Variants in C4orf51 observed in about 807,000 individuals in gnomAD.
C4orf51 encodes chromosome 4 open reading frame 51, also known as uncharacterized protein C4orf51.
C4orf51 carries 25 observed loss-of-function variants against 25.2 expected under a neutral mutation model. The ratio of observed to expected loss-of-function variants is 0.99; its 90% CI spans 0.72 to 1.39. C4orf51 has a LOEUF of 1.39. Among genes scored for constraint, C4orf51 ranks in the 40% most tolerant of loss-of-function variants. The probability of loss-of-function intolerance (pLI) is 0.00; values close to 1 mark genes in which losing one functional copy is unlikely to be tolerated. For missense variants in C4orf51, 252 were observed against 239.6 expected (o/e 1.05, Z -0.34); for synonymous variants, 100 against 84.5 (o/e 1.18, Z -1.01).
chr4:145,689,232 AC>A (rs1729372848), intron 1 of C4orf51, among the ~76,000 whole-genome samples: 1 of 152,222 alleles, frequency 6.6e-6, no homozygotes, highest in African/African-American at 2.4e-5. Context: ...CTTAAACAAA[AC>A]ACAGAAAACA....
intron 2 of C4orf51, among the ~76,000 whole-genome samples, chr4:145,705,341 A>G (rs1456915220): frequency 2.0e-5 from 3 of 152,178 alleles, no homozygotes; most frequent in Non-Finnish European, 2.9e-5. Context: ...TTAAAGAGAC[A>G]GTTAGCAATC....
At chr4:145,747,062 G>T (rs1733408783) in intron 1 of C4orf51, among the ~76,000 whole-genome samples, 1 of 152,006 alleles carries the variant, frequency 6.6e-6, no homozygotes, top group South Asian at 2.1e-4. Flanking sequence ...TTTGTATTCT[G>T]CAGCTTTACT....
At chr4:145,699,217 AG>A (rs1237151718) in intron 2 of C4orf51, among the ~76,000 whole-genome samples, 1 of 149,686 alleles carries the variant, frequency 6.7e-6, no homozygotes. Context: ...GGTGATTAAA[AG>A]CTTTATTGCT....
chr4:145,729,297 ATTTTTTTTTTTTT>A (rs547075220), intron 4 of C4orf51, 68 bp downstream of exon 4: 6 of 292,898 alleles, frequency 2.0e-5, no homozygotes, highest in African/African-American at 4.9e-5. Context: ...TGGTCATGTG[ATTTTTTTTTTTTT>A]TTTTTTTTTT....
chr4:145,712,511 G>A (rs1252523958), intron 2 of C4orf51, among the ~76,000 whole-genome samples: 1 of 152,172 alleles, frequency 6.6e-6, no homozygotes, highest in Non-Finnish European at 1.5e-5. Flanking sequence ...TTAAGCCAAA[G>A]CCTAATCCAG....
intron 1 of C4orf51, among the ~76,000 whole-genome samples, chr4:145,749,505 G>A (rs748335192): frequency 8.6e-5 from 13 of 150,956 alleles, no homozygotes; most frequent in South Asian, 2.1e-4. Context: ...TCCTGTCTTC[G>A]TTTTAGTGAA....
chr4:145,742,111 C>T (rs1294699187), intron 1 of C4orf51, among the ~76,000 whole-genome samples: 1 of 152,166 alleles, frequency 6.6e-6, no homozygotes, highest in Non-Finnish European at 1.5e-5. Flanking sequence ...ATTTAGCTTC[C>T]ACTTCTAACC....
At chr4:145,781,163 T>C in the C4orf51 span, among the ~76,000 whole-genome samples, 6 of 108,474 alleles carry the variant, frequency 5.5e-5, no homozygotes, top group African/African-American at 7.4e-5. Flanking sequence ...GCCACTGCAC[T>C]CCAGCCCGGG....
downstream of C4orf51, among the ~76,000 whole-genome samples, chr4:145,757,291 T>C (rs1734019047): frequency 6.6e-6 from 1 of 152,220 alleles, no homozygotes; most frequent in Non-Finnish European, 1.5e-5. Flanking sequence ...CCTTTGGCTA[T>C]GGGGTCAATG....
intron 3 of C4orf51, 40 bp downstream of exon 3, chr4:145,727,009 A>C (rs1221992027): frequency 6.6e-7 from 1 of 1,512,332 alleles, no homozygotes; most frequent in East Asian, 2.3e-5. Context: ...ACCTGTAGAG[A>C]GCTTAAATTA....
intron 1 of C4orf51, among the ~76,000 whole-genome samples, chr4:145,694,638 G>A (rs1398375920): frequency 1.1e-5 from 1 of 95,008 alleles, no homozygotes; most frequent in Non-Finnish European, 2.0e-5. Context: ...CCCCGTCCGG[G>A]AGGGAGGTGG....
the C4orf51 span, among the ~76,000 whole-genome samples, chr4:145,777,613 T>C: frequency 6.6e-6 from 1 of 152,212 alleles, no homozygotes; most frequent in Non-Finnish European, 1.5e-5. Flanking sequence ...ATCTTCCACA[T>C]TGATGATTAG....
chr4:145,766,942 C>T (rs1735394030), intron 1 of C4orf51, among the ~76,000 whole-genome samples: 1 of 152,100 alleles, frequency 6.6e-6, no homozygotes, highest in Admixed American at 6.5e-5. Flanking sequence ...ACGAGGTTTC[C>T]AGGTAGCTAT....
the C4orf51 span, among the ~76,000 whole-genome samples, chr4:145,780,108 T>A: frequency 2.0e-5 from 3 of 152,144 alleles, no homozygotes; most frequent in Non-Finnish European, 2.9e-5. Flanking sequence ...CGAGAATCGC[T>A]TGAAGCTGGG....
chr4:145,727,549 A>G (rs139120375), intron 3 of C4orf51, among the ~76,000 whole-genome samples: 1 of 152,104 alleles, frequency 6.6e-6, no homozygotes, highest in Non-Finnish European at 1.5e-5. Flanking sequence ...ATGGATACGT[A>G]ATATTTTATT....
At chr4:145,746,222 G>A (rs1733364680) in intron 1 of C4orf51, among the ~76,000 whole-genome samples, 1 of 152,044 alleles carries the variant, frequency 6.6e-6, no homozygotes, top group Non-Finnish European at 1.5e-5. Flanking sequence ...TTAACTTGAT[G>A]TGATCCCATT....
At chr4:145,694,786 G>A (rs1259817121) in intron 1 of C4orf51, among the ~76,000 whole-genome samples, 1 of 151,798 alleles carries the variant, frequency 6.6e-6, no homozygotes, top group Non-Finnish European at 1.5e-5. Context: ...CATAATTACT[G>A]TAATCTTTCT....
chr4:145,692,690 CT>C (rs1729664470), intron 1 of C4orf51, among the ~76,000 whole-genome samples: 1 of 152,212 alleles, frequency 6.6e-6, no homozygotes, highest in Non-Finnish European at 1.5e-5. Context: ...CACTCTACCC[CT>C]GCCTCACAGA....
chr4:145,689,378 CA>C (rs1160468058), intron 1 of C4orf51, among the ~76,000 whole-genome samples: 1 of 151,778 alleles, frequency 6.6e-6, no homozygotes, highest in Non-Finnish European at 1.5e-5. Context: ...TAGTGACTGA[CA>C]AAAGGCTTGC....
Sources: gnomAD v4.1 joint callset for allele counts (sites outside exome capture counted in the v4.1 genomes callset) on GRCh38, gnomAD v4.1.1 for gene constraint, MANE v1.5 for transcripts, NCBI Gene and HGNC (gene_info 2026-07-23, HGNC 2026-07-21) for gene names.